SLC26A9: variants seen among roughly 807,000 people sequenced by gnomAD.
SLC26A9 encodes anion transporter/exchanger protein 9.
A neutral mutation model predicts 87.1 loss-of-function variants in SLC26A9; 46 were observed. The observed-to-expected ratio is 0.53, with a 90% confidence interval of 0.42 to 0.67. SLC26A9 has a LOEUF of 0.67. Among genes scored for constraint, SLC26A9 ranks in the 30% least tolerant of loss-of-function variants. SLC26A9 has a pLI of 0.00. For synonymous variants in SLC26A9, 437 were observed against 409.1 expected, an observed-to-expected ratio of 1.07 and a Z score of -0.82; for missense variants, 927 against 1,018.3, an observed-to-expected ratio of 0.91 and a Z score of 1.22.
Position 205,921,626 on chromosome 1 carries a change from G to A in SLC26A9, c.1995C>T (p.Leu665=), listed in dbSNP as rs778018790. Residue 665 remains leucine (L), a synonymous_variant, in exon 17 of 21, where the codon CTC becomes CTT. Coordinates refer to ENST00000367135, the MANE Select transcript of SLC26A9 (RefSeq NM_052934.4). ...AGCTGACTCCACTCATGTCCAGGAT[G>A]AGGGTGTGGAAGGTGACGAAGGGTG... ...SVPPFVTFHT[L]ILDMSGVSFV... The A allele has an allele frequency of 2.9e-5, 46 of 1,611,550 alleles. No individual in the cohort carries two copies. The highest frequency in any genetic ancestry group is 3.8e-5 in the Non-Finnish European group (45 of 1,179,130).
chr1:205,929,165 C>T, intron 7 of SLC26A9, 39 bp downstream of exon 7: 1 of 1,594,140 alleles, frequency 6.3e-7, no homozygotes, highest in Non-Finnish European at 8.6e-7. Flanking sequence ...GTCTCACAGC[C>T]TGGCCCCCCA....
At chr1:205,924,358 T>C in intron 13 of SLC26A9, 25 bp downstream of exon 13, 1 of 1,610,056 alleles carries the variant, frequency 6.2e-7, no homozygotes. Flanking sequence ...ACTGTGGGCC[T>C]AGGAGGGCGG....
At chr1:205,927,741 G>A in intron 9 of SLC26A9, 136 bp from the exon 10 acceptor site, 1 of 1,393,992 alleles carries the variant, frequency 7.2e-7, no homozygotes, top group Non-Finnish European at 9.9e-7. Flanking sequence ...CACATTCCCA[G>A]TCAAGAGGAG....
At chr1:205,919,900 G>A (rs1157321072) in intron 18 of SLC26A9, among the ~76,000 whole-genome samples, 4 of 152,156 alleles carry the variant, frequency 2.6e-5, no homozygotes, top group Non-Finnish European at 5.9e-5. Context: ...AGGATACGTG[G>A]CAAATTAGTT....
At chr1:205,937,998 C>T (rs1036787343) in intron 1 of SLC26A9, among the ~76,000 whole-genome samples, 3 of 152,070 alleles carry the variant, frequency 2.0e-5, no homozygotes, top group African/African-American at 7.2e-5. Context: ...CAGCAGGCAG[C>T]GATCCCTGAA....
rs11390376 is a variant in SLC26A9, at chr1:205,937,890, C to CAA, written c.-18-2054_-18-2053dup. 6.3e-3 allele frequency among the ~76,000 whole-genome samples: 926 copies of CAA among 148,054 alleles called. 7 individuals carry two copies. Among genetic ancestry groups the CAA allele is most frequent in the African/African-American group, 0.018 (711 of 40,400 alleles). On this transcript the variant is annotated intron_variant, in intron 1 of 20. Transcript: ENST00000367135. ...CCCAGGCCACTAAACAGACCACTTG[C>CAA]AAAAAAAAAAATAGCCAAAAATTTC...
intron 17 of SLC26A9, among the ~76,000 whole-genome samples, chr1:205,920,856 G>T (rs1159841431): frequency 6.6e-6 from 1 of 152,242 alleles, no homozygotes; most frequent in Non-Finnish European, 1.5e-5. Flanking sequence ...GACAGAAGCT[G>T]CAGGGGAGGA....
In SLC26A9 at chr1:205,929,237, C is replaced by G; in HGVS notation, c.837G>C (p.Lys279Asn). The G allele has an allele frequency of 6.2e-7, 1 of 1,614,180 alleles. No individual in the cohort carries two copies. The highest frequency in any genetic ancestry group is 1.1e-5 in the South Asian group (1 of 91,084). ...TCTCTGTAGGGATGGGGAAGCGAAT[C>G]TTGTGCATGTAGCGAGCATTGAGCT... ...VKELNARYMHKIRFPIPTEMI... is the reference protein window; with the variant it reads ...VKELNARYMHNIRFPIPTEMI... Residue 279 changes from lysine to asparagine, a missense_variant, in exon 7 of 21, where the codon AAG (lysine) becomes AAC (asparagine). By Grantham distance (94) the Lys-to-Asn change is moderately conservative (BLOSUM62 0). Transcript: ENST00000367135.
At chr1:205,931,469 T>TTTTTTTTTTTTTTTTTTTTTTTTTTTTTG (rs1659303482) in intron 5 of SLC26A9, among the ~76,000 whole-genome samples, 1 of 46,012 alleles carries the variant, frequency 2.2e-5, no homozygotes. Context: ...AACTTGGTTT[T>TTTTTTTTTTTTTTTTTTTTTTTTTTTTTG]TTTTTTTTTT....
Position 205,921,864 on chromosome 1 carries a change from A to T in SLC26A9, c.1774-17T>A, listed in dbSNP as rs1443410329. On this transcript the variant is annotated splice_polypyrimidine_tract_variant and intron_variant, in intron 16 of 20. Coordinates refer to ENST00000367135, the MANE Select transcript of SLC26A9 (RefSeq NM_052934.4). ...GGAGACAGTCTGGAAGGGTGGGGAC[A>T]GTGGGCAGAGTCAGGGACCACCAGA... 2 of 1,597,524 alleles carry T rather than the reference A, an allele frequency of 1.3e-6. No individual in the cohort carries two copies. The highest frequency in any genetic ancestry group is 3.4e-5 in the Admixed American group (2 of 58,140).
chr1:205,921,546 G>C lies in SLC26A9; in HGVS notation c.2055+20C>G. The C allele has an allele frequency of 6.3e-7, 1 of 1,597,864 alleles. No homozygotes were observed. Among genetic ancestry groups the C allele is most frequent in the Non-Finnish European group, 8.5e-7 (1 of 1,176,478 alleles). ...GGAGGGGGTGGAGTGGGTGGTGCTT[G>C]CTGTTCCCGAGGGCCTCACCTTGGC... On this transcript the variant is annotated intron_variant, in intron 17 of 20. Coordinates refer to ENST00000367135, the MANE Select transcript of SLC26A9 (RefSeq NM_052934.4).
intron 2 of SLC26A9, 43 bp downstream of exon 2, chr1:205,935,653 T>C: frequency 6.2e-7 from 1 of 1,610,946 alleles, no homozygotes; most frequent in Non-Finnish European, 8.5e-7. Flanking sequence ...AGGATTTTGG[T>C]AGGGAGCAGA....
At chr1:205,930,199 C>G (rs1045407852) in intron 5 of SLC26A9, 143 bp from the exon 6 acceptor site, 8 of 829,972 alleles carry the variant, frequency 9.6e-6, no homozygotes, top group Non-Finnish European at 1.2e-5. Context: ...CATCTGTGAC[C>G]TTCACCTGCC....
intron 16 of SLC26A9, 118 bp from the exon 17 acceptor site, chr1:205,921,965 G>T: frequency 7.8e-7 from 1 of 1,286,232 alleles, no homozygotes; most frequent in Non-Finnish European, 1.1e-6. Context: ...CCTCGGTGAT[G>T]GTGAACACAG....
At chr1:205,942,913 G>A (rs866455649) in intron 1 of SLC26A9, among the ~76,000 whole-genome samples, 5 of 152,366 alleles carry the variant, frequency 3.3e-5, no homozygotes, top group South Asian at 2.1e-4. Flanking sequence ...ATGTCTGGGC[G>A]GTAGAAGGAG....
chr1:205,935,977 C>T, intron 1 of SLC26A9, 139 bp from the exon 2 acceptor site: 1 of 1,098,046 alleles, frequency 9.1e-7, no homozygotes, highest in Non-Finnish European at 1.2e-6. Flanking sequence ...GCCTCCCTTC[C>T]CTCTGTCAAG....
chr1:205,935,728 G>T lies in SLC26A9; in HGVS notation c.93C>A (p.Tyr31Ter). The T allele has an allele frequency of 6.2e-7, 1 of 1,614,084 alleles. No homozygotes were observed. The highest frequency in any genetic ancestry group is 2.2e-5 in the East Asian group (1 of 44,882). Residue 31 changes from tyrosine to a stop codon, truncating the protein, a stop_gained, in exon 2 of 21, where the codon TAC becomes TAA. Transcript: ENST00000367135. LOFTEE classifies it high-confidence loss of function. Reference protein sequence around the residue: ...DDEFEKKDRTYPVGEKLRNAF... With the variant: ...DDEFEKKDRT ...CATTGCGAAGTTTCTCTCCCACTGGGTATGTCCGGTCCTTCTTCTCAAACT... is the reference window on the plus strand; with the variant it reads ...CATTGCGAAGTTTCTCTCCCACTGGTTATGTCCGGTCCTTCTTCTCAAACT...
At chr1:205,933,529 G>A (rs1044906333) in intron 2 of SLC26A9, among the ~76,000 whole-genome samples, 2 of 152,142 alleles carry the variant, frequency 1.3e-5, no homozygotes, top group African/African-American at 4.8e-5. Context: ...CTCCCACTAG[G>A]CAGCAAACCC....
At position 205,935,698 on chromosome 1, in the gene SLC26A9, G is replaced by A. The variant is rs1558129165; in HGVS notation, c.123C>T (p.Phe41=). The A allele has an allele frequency of 6.2e-7, 1 of 1,614,016 alleles. No homozygotes were observed. ...AGTCTGGGCTCTGGACCAGTTACCT[G>A]AAGGCATTGCGAAGTTTCTCTCCCA... ...YPVGEKLRNA[F]RCSSAKIKAV... is the part of the protein sequence containing the mutation. Residue 41 remains phenylalanine (F), a splice_region_variant and synonymous_variant, in exon 2 of 21, where the codon TTC becomes TTT. Coordinates refer to ENST00000367135, the MANE Select transcript of SLC26A9 (RefSeq NM_052934.4).
Sources: allele counts gnomAD v4.1 joint callset (sites outside exome capture counted in the v4.1 genomes callset), GRCh38; gene constraint gnomAD v4.1.1; transcripts MANE v1.5; gene names NCBI Gene and HGNC (gene_info 2026-07-23, HGNC 2026-07-21).